The following FGF12 variants were observed in gnomAD, a reference collection of about 807,000 sequenced individuals.
The protein encoded by FGF12 is fibroblast growth factor 12B.
A neutral mutation model predicts 23.6 loss-of-function variants in FGF12; 14 were observed. That is an observed-to-expected ratio of 0.59 (90% CI 0.39 to 0.93). The LOEUF is 0.93. Ranked by LOEUF, FGF12 falls within the 40% of genes least tolerant of loss-of-function variation. The probability of loss-of-function intolerance (pLI) is 0.00; values close to 1 mark genes in which losing one functional copy is unlikely to be tolerated. For missense variants in FGF12, 175 were observed against 217.8 expected (o/e 0.80, Z 1.24); for synonymous variants, 62 against 77.3 (o/e 0.80, Z 1.04).
chr3:192,273,531 CGAG>C (rs769029507), intron 4 of FGF12, among the ~76,000 whole-genome samples: 22 of 152,000 alleles, frequency 1.4e-4, no homozygotes, highest in Non-Finnish European at 3.1e-4. Context: ...GATGTAAGCT[CGAG>C]GAGTCACGCA....
intron 2 of FGF12, among the ~76,000 whole-genome samples, chr3:192,628,178 AGTTT>A (rs1041061828): frequency 6.6e-6 from 1 of 152,044 alleles, no homozygotes; most frequent in Non-Finnish European, 1.5e-5. Flanking sequence ...AGATATCAAT[AGTTT>A]GTTTCTTTTT....
chr3:192,564,262 C>T (rs1712180880), intron 2 of FGF12, among the ~76,000 whole-genome samples: 1 of 152,050 alleles, frequency 6.6e-6, no homozygotes, highest in Non-Finnish European at 1.5e-5. Context: ...CGGGGTTTCT[C>T]CATGTTGAGC....
intron 2 of FGF12, among the ~76,000 whole-genome samples, chr3:192,723,874 A>AGGAGAG (rs1553849492): frequency 2.3e-5 from 3 of 130,946 alleles, no homozygotes; most frequent in Non-Finnish European, 3.3e-5. Context: ...AGAGAGAGAG[A>AGGAGAG]GAGAGGAGAG....
intron 2 of FGF12, among the ~76,000 whole-genome samples, chr3:192,641,903 C>T (rs1715821671): frequency 6.6e-6 from 1 of 152,176 alleles, no homozygotes; most frequent in Admixed American, 6.5e-5. Flanking sequence ...CATTCAAAAG[C>T]CTGAAATATT....
intron 2 of FGF12, among the ~76,000 whole-genome samples, chr3:192,363,098 G>C (rs1261065661): frequency 6.6e-6 from 1 of 150,990 alleles, no homozygotes; most frequent in South Asian, 2.1e-4. Flanking sequence ...GTGGGGTAGG[G>C]GGAGGGGGGA....
intron 4 of FGF12, among the ~76,000 whole-genome samples, chr3:192,252,924 T>C (rs1346171894): frequency 6.6e-6 from 1 of 152,132 alleles, no homozygotes; most frequent in African/African-American, 2.4e-5. Context: ...GGAACTGATT[T>C]GGTCTTAATG....
chr3:192,392,742 G>C (rs544888616), intron 2 of FGF12, among the ~76,000 whole-genome samples: 7 of 151,948 alleles, frequency 4.6e-5, no homozygotes, highest in Non-Finnish European at 8.8e-5. Context: ...TAAGATAAAG[G>C]CCTTTGTTTT....
At chr3:192,212,941 C>T (rs1718009831) in intron 4 of FGF12, among the ~76,000 whole-genome samples, 1 of 152,220 alleles carries the variant, frequency 6.6e-6, no homozygotes, top group Non-Finnish European at 1.5e-5. Flanking sequence ...AACACCCTGT[C>T]TGGAGTGGCA....
intron 2 of FGF12, among the ~76,000 whole-genome samples, chr3:192,577,874 G>GC (rs1553833815): frequency 6.6e-6 from 1 of 152,022 alleles, no homozygotes; most frequent in African/African-American, 2.4e-5. Flanking sequence ...CTAATGTGAA[G>GC]TGTTAGATAA....
intron 2 of FGF12, among the ~76,000 whole-genome samples, chr3:192,557,099 G>GA (rs953425487): frequency 3.5e-4 from 53 of 150,688 alleles, no homozygotes; most frequent in African/African-American, 1.2e-3. Flanking sequence ...CCTGCAATAA[G>GA]AAAAAAAACC....
At chr3:192,716,227 T>C (rs1434409580) in intron 2 of FGF12, among the ~76,000 whole-genome samples, 3 of 152,196 alleles carry the variant, frequency 2.0e-5, no homozygotes, top group Non-Finnish European at 2.9e-5. Flanking sequence ...GATCTGTGTT[T>C]TTGTACACAC....
At chr3:192,693,733 A>C (rs1240236349) in intron 2 of FGF12, among the ~76,000 whole-genome samples, 1 of 152,132 alleles carries the variant, frequency 6.6e-6, no homozygotes, top group Non-Finnish European at 1.5e-5. Context: ...CTTATCTTAC[A>C]CTACAAAATA....
rs1577076349 is a variant in FGF12 at position 192,606,532 on chromosome 3, T to A, written c.13+120649A>T. ...CACCCCCTGCATCTAAAATAAAAGT[T>A]GAAATTTAAAATAATAATAATAAAT... On this transcript the variant is annotated intron_variant, in intron 2 of 5. Coordinates refer to ENST00000445105, the MANE Select transcript of FGF12 (RefSeq NM_004113.6). Among the ~76,000 whole-genome samples, 3 of 152,196 alleles carry A rather than the reference T, an allele frequency of 2.0e-5. No homozygotes were observed. The East Asian group carries it at 5.8e-4, about 29-fold the overall frequency.
At chr3:192,725,080 CA>C (rs1301571187) in intron 2 of FGF12, among the ~76,000 whole-genome samples, 2 of 152,180 alleles carry the variant, frequency 1.3e-5, no homozygotes, top group African/African-American at 4.8e-5. Flanking sequence ...CAGTATTGCA[CA>C]AATACACATT....
At chr3:192,598,613 G>T (rs1306637332) in intron 2 of FGF12, among the ~76,000 whole-genome samples, 2 of 152,138 alleles carry the variant, frequency 1.3e-5, no homozygotes, top group African/African-American at 4.8e-5. Flanking sequence ...TTGTTTAAAT[G>T]CAGGTTCTGC....
chr3:192,171,953 A>T (rs1361651794), intron 4 of FGF12, among the ~76,000 whole-genome samples: 1 of 144,506 alleles, frequency 6.9e-6, no homozygotes, highest in Non-Finnish European at 1.5e-5. Context: ...GCTATGTTGC[A>T]TAGGCTGGCC....
intron 2 of FGF12, among the ~76,000 whole-genome samples, chr3:192,659,132 T>G (rs1396876507): frequency 6.6e-6 from 1 of 152,186 alleles, no homozygotes; most frequent in Non-Finnish European, 1.5e-5. Flanking sequence ...ACAATGGACA[T>G]CATCTATTCT....
intron 2 of FGF12, among the ~76,000 whole-genome samples, chr3:192,504,917 T>G (rs1418718494): frequency 6.6e-6 from 1 of 152,086 alleles, no homozygotes; most frequent in Non-Finnish European, 1.5e-5. Flanking sequence ...GTTTGACAAG[T>G]TTCTGTATTT....
intron 2 of FGF12, chr3:192,533,916 C>T (rs1470567686): frequency 6.6e-6 from 1 of 151,698 alleles, no homozygotes; most frequent in African/African-American, 2.4e-5. Flanking sequence ...ACATAAATGT[C>T]GACAAAACAA....
Sources: gnomAD v4.1 joint callset for allele counts (sites outside exome capture counted in the v4.1 genomes callset) on GRCh38, gnomAD v4.1.1 for gene constraint, MANE v1.5 for transcripts, NCBI Gene and HGNC (gene_info 2026-07-23, HGNC 2026-07-21) for gene names.